Variants in AK5 observed in about 807,000 individuals in gnomAD.
AK5 encodes adenylate kinase isoenzyme 5.
A neutral mutation model predicts 69.5 loss-of-function variants in AK5; 27 were observed. The ratio of observed to expected loss-of-function variants is 0.39; its 90% CI spans 0.29 to 0.54. The LOEUF (loss-of-function observed/expected upper bound fraction) is 0.54. AK5 is among the 20% of genes least tolerant of loss of function. AK5 has a pLI of 0.71. For synonymous variants in AK5, 260 were observed against 244.4 expected (o/e 1.06, Z -0.60); for missense variants, 531 against 700.4 (o/e 0.76, Z 2.73).
chr1:77,473,532 T>G (rs985284553), intron 8 of AK5, among the ~76,000 whole-genome samples: 9 of 152,200 alleles, frequency 5.9e-5, no homozygotes, highest in Non-Finnish European at 1.0e-4. Context: ...GCTACGGACA[T>G]TAAACATTTA....
intron 6 of AK5, among the ~76,000 whole-genome samples, chr1:77,368,392 G>C (rs1462367051): frequency 1.4e-5 from 2 of 139,358 alleles, no homozygotes; most frequent in African/African-American, 5.2e-5. Flanking sequence ...TATACACATA[G>C]CCTGAAGGTA....
At chr1:77,406,874 G>C (rs1212309198) in intron 6 of AK5, among the ~76,000 whole-genome samples, 1 of 152,082 alleles carries the variant, frequency 6.6e-6, no homozygotes, top group East Asian at 1.9e-4. Context: ...ACACTGCTCT[G>C]ATCCAACCTA....
intron 6 of AK5, among the ~76,000 whole-genome samples, chr1:77,363,828 C>A (rs777382598): frequency 1.2e-4 from 18 of 152,190 alleles, no homozygotes; most frequent in African/African-American, 4.1e-4. Flanking sequence ...AAATGCAACA[C>A]CCCTTAACCA....
chr1:77,393,058 A>G (rs1648593261), intron 6 of AK5, among the ~76,000 whole-genome samples: 1 of 152,038 alleles, frequency 6.6e-6, no homozygotes, highest in South Asian at 2.1e-4. Context: ...TCAGCCTTCC[A>G]AGTAGCTGGG....
intron 6 of AK5, among the ~76,000 whole-genome samples, chr1:77,409,466 A>G (rs1321662363): frequency 6.6e-6 from 1 of 151,666 alleles, no homozygotes; most frequent in East Asian, 1.9e-4. Flanking sequence ...TGGGGCTTTG[A>G]TTTGCATTTC....
intron 5 of AK5, chr1:77,314,091 A>T (rs895739362): frequency 3.5e-5 from 12 of 340,044 alleles, no homozygotes; most frequent in African/African-American, 2.6e-4. Flanking sequence ...TTCTGAACCC[A>T]TATATGTTAA....
At chr1:77,367,971 G>A (rs1258974264) in intron 6 of AK5, among the ~76,000 whole-genome samples, 1 of 105,214 alleles carries the variant, frequency 9.5e-6, no homozygotes, top group Non-Finnish European at 1.9e-5. Context: ...TAGCTTCAGA[G>A]CCTTGGCATT....
chr1:77,330,417 T>G (rs1018133689), intron 5 of AK5, among the ~76,000 whole-genome samples: 8 of 152,078 alleles, frequency 5.3e-5, no homozygotes, highest in Admixed American at 4.6e-4. Flanking sequence ...ATTGTTTGCA[T>G]ATCATATAAT....
chr1:77,533,987 G>A (rs1217742051), intron 12 of AK5, among the ~76,000 whole-genome samples: 1 of 151,134 alleles, frequency 6.6e-6, no homozygotes, highest in Non-Finnish European at 1.5e-5. Flanking sequence ...CAGAAAAGTC[G>A]CATGACCTAT....
chr1:77,345,785 T>C (rs1268147645), intron 6 of AK5, among the ~76,000 whole-genome samples: 1 of 152,226 alleles, frequency 6.6e-6, no homozygotes, highest in African/African-American at 2.4e-5. Flanking sequence ...CCCCGCATTA[T>C]GCATTTCAAA....
chr1:77,377,327 A>G (rs1647316593), intron 6 of AK5, among the ~76,000 whole-genome samples: 1 of 152,106 alleles, frequency 6.6e-6, no homozygotes. Context: ...ACCTCAATAA[A>G]TGTCAACACC....
chr1:77,324,978 T>A (rs1337004467), intron 5 of AK5, among the ~76,000 whole-genome samples: 4 of 132,506 alleles, frequency 3.0e-5, no homozygotes, highest in African/African-American at 1.1e-4. Flanking sequence ...GATTACGAGC[T>A]ACTTTTTTTT....
chr1:77,396,314 A>AT (rs1358703921), intron 6 of AK5, among the ~76,000 whole-genome samples: 1 of 152,116 alleles, frequency 6.6e-6, no homozygotes, highest in Admixed American at 6.6e-5. Flanking sequence ...CAGTCTCATA[A>AT]TTTTCTTTGT....
chr1:77,499,869 C>CTTTTTTTTTTTTTT lies in AK5; in HGVS notation c.1147+13517_1147+13518insTTTTTTTTTTTTTT, dbSNP rs749712310. 2.7e-4 allele frequency among the ~76,000 whole-genome samples: 21 copies of CTTTTTTTTTTTTTT among 78,776 alleles called. 3 individuals carry two copies. The highest frequency in any genetic ancestry group is 5.9e-4 in the Admixed American group (3 of 5,070). 51.7% of individuals were successfully genotyped at this position (78,776 alleles called of 152,430 possible). Reference sequence around the variant, plus strand: ...GATGACAGAGACCATGCCCTTTTTCCATTTTTTTTTTTTTTTTTTTTTTTT... The same window carrying CTTTTTTTTTTTTTT: ...GATGACAGAGACCATGCCCTTTTTCCTTTTTTTTTTTTTTATTTTTTTTTTTTTTTTTTTTTTTT... On this transcript the variant is annotated intron_variant, in intron 10 of 13. Coordinates refer to ENST00000354567, the MANE Select transcript of AK5 (RefSeq NM_174858.3).
chr1:77,511,251 A>ACACAG (rs1297911865), intron 10 of AK5, among the ~76,000 whole-genome samples: 1 of 152,208 alleles, frequency 6.6e-6, no homozygotes, highest in Admixed American at 6.5e-5. Context: ...ACTGAGCATG[A>ACACAG]CATTACACAG....
chr1:77,318,410 C>T (rs1430941642), intron 5 of AK5, among the ~76,000 whole-genome samples: 2 of 152,150 alleles, frequency 1.3e-5, no homozygotes, highest in African/African-American at 4.8e-5. Context: ...CCTTCTCCAA[C>T]ATTGGAGATT....
At chr1:77,510,611 G>A (rs111935292) in intron 10 of AK5, among the ~76,000 whole-genome samples, 4,650 of 152,084 alleles carry the variant, frequency 0.031, 62 homozygotes, top group Middle Eastern at 0.078. Flanking sequence ...AGGGAGAACC[G>A]AGCTGATGTT....
rs532124749 is a variant in AK5 at position 77,554,404 on chromosome 1, A to G, written c.1621-4198A>G. Among the ~76,000 whole-genome samples, 10 of 152,308 alleles carry G rather than the reference A, an allele frequency of 6.6e-5. No homozygotes were observed. The South Asian group carries it at 2.1e-3, about 32-fold the overall frequency. ...AGATTTGGAATAGCATAGAACATCC[A>G]GGCTGGAACCAGACCTGGAGGTTAT... On this transcript the variant is annotated intron_variant, in intron 13 of 13. Coordinates refer to ENST00000354567, the MANE Select transcript of AK5 (RefSeq NM_174858.3).
chr1:77,557,349 C>T, intron 13 of AK5: 1 of 209,204 alleles, frequency 4.8e-6, no homozygotes, highest in South Asian at 9.4e-5. Flanking sequence ...TCATAACCAA[C>T]TTTACCAAAG....
Sources: allele counts gnomAD v4.1 joint callset (sites outside exome capture counted in the v4.1 genomes callset), GRCh38; gene constraint gnomAD v4.1.1; transcripts MANE v1.5; gene names NCBI Gene and HGNC (gene_info 2026-07-23, HGNC 2026-07-21).